Variants in ZNF83 observed in about 807,000 individuals in gnomAD.
The protein encoded by ZNF83 is zinc finger protein 83.
For missense variants in ZNF83, 552 were observed against 629.9 expected (o/e 0.88, Z 1.32); for synonymous variants, 209 against 213.0 (o/e 0.98, Z 0.17).
intron 1 of ZNF83, among the ~76,000 whole-genome samples, chr19:52,671,908 G>GT: frequency 6.6e-6 from 1 of 152,194 alleles, no homozygotes; most frequent in African/African-American, 2.4e-5. Flanking sequence ...AAGTTATTCC[G>GT]TTTTACTTGG....
At chr19:52,665,424 A>T (rs186428423) in intron 1 of ZNF83, among the ~76,000 whole-genome samples, 4 of 149,046 alleles carry the variant, frequency 2.7e-5, no homozygotes, top group Admixed American at 6.7e-5. Flanking sequence ...AAAAGTGATT[A>T]AAAAAAAAAG....
At chr19:52,680,033 G>C (rs1265373510) in intron 1 of ZNF83, among the ~76,000 whole-genome samples, 2 of 152,072 alleles carry the variant, frequency 1.3e-5, no homozygotes, top group Non-Finnish European at 2.9e-5. Flanking sequence ...TACAAAATTA[G>C]CCAGGCGTAG....
chr19:52,685,921 A>T (rs77524750), intron 1 of ZNF83, among the ~76,000 whole-genome samples: 104,684 of 149,636 alleles, frequency 0.7, 38,260 homozygotes, highest in African/African-American at 0.91. Context: ...AAAAAAAAAA[A>T]AAAAATACAG....
At chr19:52,678,458 A>AAAAAAAAG (rs2061854877) in intron 1 of ZNF83, among the ~76,000 whole-genome samples, 1 of 151,336 alleles carries the variant, frequency 6.6e-6, no homozygotes, top group Admixed American at 6.6e-5. Flanking sequence ...TCAAAAAAAA[A>AAAAAAAAG]AAAAAAGAAA....
upstream of ZNF83, among the ~76,000 whole-genome samples, chr19:52,641,057 GAAC>G (rs1298248825): frequency 6.8e-6 from 1 of 146,118 alleles, no homozygotes; most frequent in Non-Finnish European, 1.5e-5. Context: ...CCACCCTTCA[GAAC>G]AACACCCCCT....
At chr19:52,687,646 TA>T (rs2062067948) in intron 1 of ZNF83, among the ~76,000 whole-genome samples, 1 of 40,400 alleles carries the variant, frequency 2.5e-5, no homozygotes, top group African/African-American at 3.6e-4. Context: ...TATATATATA[TA>T]TATATATATA....
chr19:52,664,266 C>T (rs2061617680), intron 1 of ZNF83, among the ~76,000 whole-genome samples: 2 of 151,342 alleles, frequency 1.3e-5, no homozygotes, highest in South Asian at 2.1e-4. Context: ...GAGGCCGATG[C>T]GGCTGGATCC....
chr19:52,661,128 G>C (rs555105552), intron 1 of ZNF83, among the ~76,000 whole-genome samples: 2 of 152,108 alleles, frequency 1.3e-5, no homozygotes, highest in South Asian at 4.2e-4. Flanking sequence ...CTCCCAAAGA[G>C]CTATGATTAC....
chr19:52,642,473 G>A (rs1190092686), upstream of ZNF83, among the ~76,000 whole-genome samples: 41 of 151,616 alleles, frequency 2.7e-4, no homozygotes, highest in Admixed American at 7.2e-4. Context: ...TCTCCATGTC[G>A]GTCAGGCTGG....
intron 1 of ZNF83, among the ~76,000 whole-genome samples, chr19:52,687,571 A>G (rs1307463340): frequency 5.5e-5 from 2 of 36,472 alleles, no homozygotes; most frequent in African/African-American, 2.4e-4. Context: ...TTATATATAT[A>G]TAAATTTTAT....
chr19:52,630,615 C>T (rs1023424870), intron 2 of ZNF83, among the ~76,000 whole-genome samples: 11 of 152,062 alleles, frequency 7.2e-5, no homozygotes, highest in Admixed American at 1.3e-4. Flanking sequence ...TTCTCCCCAA[C>T]CCAAAGCTTC....
At chr19:52,614,008 A>C in exon 3 of ZNF83, 1 of 1,613,368 alleles carries the variant, frequency 6.2e-7, no homozygotes, top group Middle Eastern at 1.7e-4. Context: ...AATTTGATTA[A>C]AGACCTTGCC....
chr19:52,613,936 C>A, exon 3 of ZNF83: 1 of 1,613,400 alleles, frequency 6.2e-7, no homozygotes, highest in East Asian at 2.2e-5. Context: ...GACCTTTCCA[C>A]ATTCATTACA....
chr19:52,668,913 G>A (rs545676133), intron 1 of ZNF83, among the ~76,000 whole-genome samples: 1 of 152,166 alleles, frequency 6.6e-6, no homozygotes, highest in Non-Finnish European at 1.5e-5. Flanking sequence ...CCCAAAGTTC[G>A]ACACCCTGTG....
chr19:52,659,838 TAAC>T (rs1362353469), intron 2 of ZNF83, among the ~76,000 whole-genome samples: 2 of 152,062 alleles, frequency 1.3e-5, no homozygotes, highest in African/African-American at 4.8e-5. Flanking sequence ...GAAAGAATCC[TAAC>T]AACAGCCAAA....
chr19:52,618,923 A>T (rs764386871), intron 2 of ZNF83: 4 of 1,548,632 alleles, frequency 2.6e-6, no homozygotes, highest in Non-Finnish European at 2.7e-6. Flanking sequence ...TTCTGGAGGG[A>T]AGTTATCCTC....
intron 1 of ZNF83, among the ~76,000 whole-genome samples, chr19:52,689,824 G>A (rs1472264173): frequency 1.3e-5 from 2 of 152,148 alleles, no homozygotes; most frequent in African/African-American, 4.8e-5. Flanking sequence ...CATCCCGGAG[G>A]AGCTTATTTT....
At chr19:52,668,817 C>A (rs951630113) in intron 1 of ZNF83, among the ~76,000 whole-genome samples, 2 of 152,184 alleles carry the variant, frequency 1.3e-5, no homozygotes, top group Non-Finnish European at 2.9e-5. Flanking sequence ...CTCCAGTAGA[C>A]CAGGTGTGGG....
Position 52,623,607 on chromosome 19 carries a change from C to A in ZNF83, c.-233-8810G>T, listed in dbSNP as rs190178674. Reference sequence around the variant, plus strand: ...TCTTCCCAACCCAAAGCCTCCTTCACGTCTTCCTCTTGTATCCCCCCACCT... The same window carrying A: ...TCTTCCCAACCCAAAGCCTCCTTCAAGTCTTCCTCTTGTATCCCCCCACCT... On this transcript the variant is annotated intron_variant, in intron 2 of 2. Transcript: ENST00000301096. Among the ~76,000 whole-genome samples, 354 of 152,198 alleles carry A rather than the reference C, an allele frequency of 2.3e-3. 2 individuals carry two copies. Among genetic ancestry groups the A allele is most frequent in the African/African-American group, 8.2e-3 (341 of 41,508 alleles).
Sources: gnomAD v4.1 joint callset for allele counts (sites outside exome capture counted in the v4.1 genomes callset) on GRCh38, gnomAD v4.1.1 for gene constraint, MANE v1.5 for transcripts, NCBI Gene and HGNC (gene_info 2026-07-23, HGNC 2026-07-21) for gene names.